The following ARHGEF7 variants were observed in gnomAD, a reference collection of about 807,000 sequenced individuals.
ARHGEF7 encodes the protein Rho guanine nucleotide exchange factor 7, also known as PAK-interacting exchange factor beta.
ARHGEF7 carries 33 observed loss-of-function variants against 109.8 expected under a neutral mutation model. The ratio of observed to expected loss-of-function variants is 0.30; its 90% CI spans 0.23 to 0.40. ARHGEF7 has a LOEUF of 0.40. Ranked by LOEUF, ARHGEF7 falls within the 10% of genes least tolerant of loss-of-function variation. ARHGEF7 has a pLI of 1.00. For missense variants in ARHGEF7, 938 were observed against 1,098.5 expected (o/e 0.85, Z 2.07); for synonymous variants, 458 against 424.6 (o/e 1.08, Z -0.97).
At chr13:111,246,113 A>T (rs938622333) in intron 8 of ARHGEF7, among the ~76,000 whole-genome samples, 2 of 152,224 alleles carry the variant, frequency 1.3e-5, no homozygotes, top group African/African-American at 2.4e-5. Context: ...CTTGGTTTAC[A>T]TCAGACATTA....
intron 2 of ARHGEF7, among the ~76,000 whole-genome samples, chr13:111,166,630 T>C (rs1043562942): frequency 6.6e-6 from 1 of 152,172 alleles, no homozygotes; most frequent in Non-Finnish European, 1.5e-5. Context: ...AGATGGGGTA[T>C]GCAGGAGAGG....
intron 8 of ARHGEF7, among the ~76,000 whole-genome samples, chr13:111,264,760 C>A (rs770700926): frequency 2.6e-5 from 4 of 152,210 alleles, no homozygotes; most frequent in Non-Finnish European, 4.4e-5. Context: ...GGAGCACTTA[C>A]ATTTGGTAGA....
chr13:111,233,121 G>A (rs914457651), intron 5 of ARHGEF7, 84 bp from the exon 6 acceptor site: 1 of 1,116,708 alleles, frequency 9.0e-7, no homozygotes, highest in African/African-American at 1.5e-5. Flanking sequence ...GCTGCTGGAT[G>A]AGTATCCTTG....
In ARHGEF7 at chr13:111,303,205, C is replaced by A. The variant is rs2093607583; in HGVS notation, c.*92C>A. ...TCGGGGTGCACTCAGGACCACAGGG[C>A]AGGGCTGGGTGGGGCGCCACCTTGC... On this transcript the variant is annotated 3_prime_UTR_variant, in exon 22 of 22. Transcript: ENST00000646102. The A allele has an allele frequency of 1.7e-5, 15 of 889,614 alleles. No individual in the cohort carries two copies. Among genetic ancestry groups the A allele is most frequent in the Non-Finnish European group, 2.2e-5 (14 of 622,422 alleles). 55.1% of individuals were successfully genotyped at this position (889,614 alleles called of 1,614,324 possible). A position where few individuals can be genotyped will look rare whatever the true frequency, so the allele number is the denominator to read the frequency against.
At chr13:111,226,359 G>A (rs889746440) in intron 5 of ARHGEF7, among the ~76,000 whole-genome samples, 2 of 152,220 alleles carry the variant, frequency 1.3e-5, no homozygotes, top group Admixed American at 6.5e-5. Flanking sequence ...TGACATCATC[G>A]GTGAAGGTGG....
intron 19 of ARHGEF7, among the ~76,000 whole-genome samples, chr13:111,297,175 G>A (rs1415305861): frequency 3.3e-5 from 5 of 152,162 alleles, no homozygotes; most frequent in Non-Finnish European, 7.4e-5. Flanking sequence ...TTTTTTGAAA[G>A]GTAGTAAAAA....
chr13:111,296,675 T>C (rs151000955), intron 19 of ARHGEF7, among the ~76,000 whole-genome samples: 2,498 of 152,280 alleles, frequency 0.016, 40 homozygotes, highest in Middle Eastern at 0.061. Flanking sequence ...CACAAGATGT[T>C]AATAATGATA....
intron 2 of ARHGEF7, among the ~76,000 whole-genome samples, chr13:111,170,812 C>G (rs1273988148): frequency 2.0e-5 from 3 of 152,150 alleles, no homozygotes; most frequent in Middle Eastern, 3.2e-3. Context: ...AAATGGGAGA[C>G]CTGCTTGTTG....
intron 2 of ARHGEF7, among the ~76,000 whole-genome samples, chr13:111,161,283 T>C (rs2076721004): frequency 6.6e-6 from 1 of 152,186 alleles, no homozygotes; most frequent in South Asian, 2.1e-4. Context: ...TTCTCCTTTT[T>C]TGATTCAGGG....
At chr13:111,219,961 C>A (rs974140001) in intron 5 of ARHGEF7, among the ~76,000 whole-genome samples, 4 of 151,808 alleles carry the variant, frequency 2.6e-5, no homozygotes, top group Admixed American at 1.3e-4. Flanking sequence ...GCACTGGCAC[C>A]ATGCTGAGGC....
rs190949952 is a variant in ARHGEF7, at chr13:111,228,526, G to T, written c.671-4679G>T. ...TGCTAACACTGTTAAGAGTCTATACGTGGTCATTCTCTGTATGTTTATGTA... is the reference window on the plus strand; with the variant it reads ...TGCTAACACTGTTAAGAGTCTATACTTGGTCATTCTCTGTATGTTTATGTA... On this transcript the variant is annotated intron_variant, in intron 5 of 21. Transcript: ENST00000646102. This position sits in a 1 kb window ranked among gnomAD's most constrained non-coding sequence, Gnocchi z 4.6. Among the ~76,000 whole-genome samples the T allele has an allele frequency of 6.6e-6, 1 of 152,170 alleles. No homozygotes were observed. Among genetic ancestry groups the T allele is most frequent in the Non-Finnish European group, 1.5e-5 (1 of 68,030 alleles).
At chr13:111,288,583 G>T (rs2093129035) in intron 18 of ARHGEF7, 140 bp downstream of exon 18, 4 of 510,430 alleles carry the variant, frequency 7.8e-6, no homozygotes, top group Non-Finnish European at 1.3e-5. Context: ...TTCAGTCAGG[G>T]GTGGCAGGCA....
intron 2 of ARHGEF7, among the ~76,000 whole-genome samples, chr13:111,170,596 T>C (rs990029420): frequency 6.6e-6 from 1 of 152,224 alleles, no homozygotes; most frequent in Admixed American, 6.5e-5. Flanking sequence ...CTTTACTGAA[T>C]GCAGTGCTAA....
chr13:111,292,561 G>A (rs2093323043), intron 19 of ARHGEF7: 1 of 1,356,108 alleles, frequency 7.4e-7, no homozygotes, highest in Non-Finnish European at 9.4e-7. Context: ...ACATCCGAGG[G>A]TGCTCTTCGT....
Position 111,202,213 on chromosome 13 carries a change from G to A in ARHGEF7, c.253-3076G>A, listed in dbSNP as rs2081288440. On this transcript the variant is annotated intron_variant, in intron 2 of 21. Transcript: ENST00000646102. ...GTCCCCAGCATGGTGCCTGTGTGGG[G>A]TAGTGCAGGTGGCAGGAAGTGTGCC... is the stretch of plus-strand genomic sequence containing the variant. 5.3e-5 allele frequency among the ~76,000 whole-genome samples: 8 copies of A among 152,226 alleles called. No individual in the cohort carries two copies. The South Asian group carries it at 1.7e-3, about 32-fold the overall frequency.
intron 2 of ARHGEF7, among the ~76,000 whole-genome samples, chr13:111,198,823 C>T (rs139884925): frequency 6.6e-6 from 1 of 152,160 alleles, no homozygotes; most frequent in African/African-American, 2.4e-5. Context: ...TGCCCACGTC[C>T]TGCTGATTGG....
chr13:111,220,794 C>T (rs1409330924), intron 5 of ARHGEF7, among the ~76,000 whole-genome samples: 1 of 151,970 alleles, frequency 6.6e-6, no homozygotes, highest in Non-Finnish European at 1.5e-5. Flanking sequence ...CTACTCATGT[C>T]TTAGGCGTGT....
intron 8 of ARHGEF7, among the ~76,000 whole-genome samples, chr13:111,264,424 TG>T (rs1190575923): frequency 6.6e-6 from 1 of 152,098 alleles, no homozygotes; most frequent in Non-Finnish European, 1.5e-5. Flanking sequence ...TAAAGAAGCA[TG>T]GTAGAGAAGG....
intron 2 of ARHGEF7, among the ~76,000 whole-genome samples, chr13:111,164,547 T>G (rs2076980396): frequency 6.6e-6 from 1 of 152,228 alleles, no homozygotes. Flanking sequence ...AAGAATTTTT[T>G]GATAAGGAGC....
Sources: gnomAD v4.1 joint callset for allele counts (sites outside exome capture counted in the v4.1 genomes callset) on GRCh38, gnomAD v4.1.1 for gene constraint, Gnocchi (gnomAD v3.1) non-coding constraint, MANE v1.5 for transcripts, NCBI Gene and HGNC (gene_info 2026-07-23, HGNC 2026-07-21) for gene names.